MLLT3: variants seen among roughly 807,000 people sequenced by gnomAD.
MLLT3 encodes the protein protein AF-9.
A neutral mutation model predicts 53.2 loss-of-function variants in MLLT3; 4 were observed. That is an observed-to-expected ratio of 0.08 (90% CI 0.04 to 0.17). The LOEUF (loss-of-function observed/expected upper bound fraction) is 0.17. Among genes scored for constraint, MLLT3 ranks in the 10% least tolerant of loss-of-function variants. MLLT3 has a pLI of 1.00. For synonymous variants in MLLT3, 283 were observed against 230.6 expected, an observed-to-expected ratio of 1.23 and a Z score of -2.06; for missense variants, 569 against 684.0, an observed-to-expected ratio of 0.83 and a Z score of 1.87.
At chr9:20,609,686 T>A (rs968290158) in intron 2 of MLLT3, among the ~76,000 whole-genome samples, 4 of 152,118 alleles carry the variant, frequency 2.6e-5, no homozygotes, top group African/African-American at 4.8e-5. Context: ...TAGTTGATGG[T>A]TGAGGTGAAT....
chr9:20,483,948 T>C (rs1236341724), intron 2 of MLLT3, among the ~76,000 whole-genome samples: 2 of 151,584 alleles, frequency 1.3e-5, no homozygotes, highest in Non-Finnish European at 2.9e-5. Flanking sequence ...CCTGACCTCA[T>C]GATCCGCCCG....
At chr9:20,464,689 T>C (rs1256131307) in intron 2 of MLLT3, among the ~76,000 whole-genome samples, 1 of 152,064 alleles carries the variant, frequency 6.6e-6, no homozygotes, top group African/African-American at 2.4e-5. Flanking sequence ...TGTGTTGGCC[T>C]GGCAGGAAAA....
intron 2 of MLLT3, among the ~76,000 whole-genome samples, chr9:20,493,248 AT>A: frequency 6.6e-6 from 1 of 152,070 alleles, no homozygotes; most frequent in Non-Finnish European, 1.5e-5. Context: ...AACAACTCAT[AT>A]TTCTCCAAAA....
chr9:20,620,573 A>G lies in MLLT3; in HGVS notation c.193+81T>C. ...GGCGAGCGCGGCGCGGGGGGCGGGG[A>G]GCGGGACAGCGGGACCGCCCGGGCC... On this transcript the variant is annotated intron_variant, in intron 2 of 10. Coordinates refer to ENST00000380338, the MANE Select transcript of MLLT3 (RefSeq NM_004529.4). This position sits in a 1 kb window ranked among gnomAD's most constrained non-coding sequence, Gnocchi z 6.1. 1 of 1,293,386 alleles carries G rather than the reference A, an allele frequency of 7.7e-7. No homozygotes were observed. The highest frequency in any genetic ancestry group is 1.0e-6 in the Non-Finnish European group (1 of 957,662). 80.1% of individuals were successfully genotyped at this position (1,293,386 alleles called of 1,614,324 possible).
At chr9:20,565,261 G>C (rs1819320276) in intron 2 of MLLT3, among the ~76,000 whole-genome samples, 1 of 151,950 alleles carries the variant, frequency 6.6e-6, no homozygotes, top group Non-Finnish European at 1.5e-5. Context: ...ACTGTACAAT[G>C]CACAAAGCTT....
intron 3 of MLLT3, among the ~76,000 whole-genome samples, chr9:20,450,475 C>G (rs1298674502): frequency 6.6e-6 from 1 of 152,146 alleles, no homozygotes; most frequent in African/African-American, 2.4e-5. Context: ...TCTCTTACTA[C>G]CTTTCCTATA....
At position 20,375,639 on chromosome 9, in the gene MLLT3, G is replaced by C. The variant is rs562927455; in HGVS notation, c.1126-9895C>G. Among the ~76,000 whole-genome samples, 11 of 117,768 alleles carry C rather than the reference G, an allele frequency of 9.3e-5. No individual in the cohort carries two copies. In the South Asian group the frequency reaches 2.1e-3, roughly 22 times the overall value. 77.3% of individuals were successfully genotyped at this position (117,768 alleles called of 152,430 possible). A position where few individuals can be genotyped will look rare whatever the true frequency, so the allele number is the denominator to read the frequency against. ...TTTTTTTTTTTTGAGACAGAGTCTT[G>C]CTCTGTCACCCAGGCTGGAGTGCAG... On this transcript the variant is annotated intron_variant, in intron 5 of 10. Coordinates refer to ENST00000380338, the MANE Select transcript of MLLT3 (RefSeq NM_004529.4).
At chr9:20,359,245 A>C (rs899860137) in intron 8 of MLLT3, among the ~76,000 whole-genome samples, 1 of 151,810 alleles carries the variant, frequency 6.6e-6, no homozygotes, top group African/African-American at 2.4e-5. Flanking sequence ...AAGGATCCCA[A>C]ATTTTCTAGT....
chr9:20,586,868 G>C (rs372852919), intron 2 of MLLT3, among the ~76,000 whole-genome samples: 1 of 152,182 alleles, frequency 6.6e-6, no homozygotes, highest in East Asian at 1.9e-4. Context: ...ACTATTCCTA[G>C]TATAATACCA....
At position 20,393,369 on chromosome 9, in the gene MLLT3, C is replaced by G. The variant is rs972372713; in HGVS notation, c.1125+20352G>C. On this transcript the variant is annotated intron_variant, in intron 5 of 10. Coordinates refer to ENST00000380338, the MANE Select transcript of MLLT3 (RefSeq NM_004529.4). Reference sequence around the variant, plus strand: ...CTTACCAATCGGCAATTTCTGGAATCTGAGGATTTGTCAGGACTACTCATA... The same window carrying G: ...CTTACCAATCGGCAATTTCTGGAATGTGAGGATTTGTCAGGACTACTCATA... 4.6e-5 allele frequency among the ~76,000 whole-genome samples: 7 copies of G among 152,162 alleles called. No individual in the cohort carries two copies. In the East Asian group the frequency reaches 1.3e-3, roughly 29 times the overall value.
In MLLT3 at chr9:20,577,212, G is replaced by A. The variant is rs115735539; in HGVS notation, c.193+43442C>T. ...ATAACTCCAGTTAAAGCAATAGTAGGACAACATTTCAATTTAGTATTGCTT... is the reference window on the plus strand; with the variant it reads ...ATAACTCCAGTTAAAGCAATAGTAGAACAACATTTCAATTTAGTATTGCTT... On this transcript the variant is annotated intron_variant, in intron 2 of 10. Coordinates refer to ENST00000380338, the MANE Select transcript of MLLT3 (RefSeq NM_004529.4). Among the ~76,000 whole-genome samples, 946 of 152,022 alleles carry A rather than the reference G, an allele frequency of 6.2e-3. 16 individuals carry two copies. Among genetic ancestry groups the A allele is most frequent in the African/African-American group, 0.022 (918 of 41,484 alleles).
intron 2 of MLLT3, among the ~76,000 whole-genome samples, chr9:20,585,963 C>T (rs1819948047): frequency 6.6e-6 from 1 of 152,152 alleles, no homozygotes; most frequent in Non-Finnish European, 1.5e-5. Flanking sequence ...TGGTTAGAGA[C>T]CTGCAACCAT....
intron 2 of MLLT3, among the ~76,000 whole-genome samples, chr9:20,596,907 C>A (rs1267503255): frequency 6.6e-6 from 1 of 152,110 alleles, no homozygotes; most frequent in African/African-American, 2.4e-5. Context: ...AATATTAAGT[C>A]TCCCAATCCA....
At chr9:20,598,828 C>A (rs1820341257) in intron 2 of MLLT3, among the ~76,000 whole-genome samples, 1 of 152,194 alleles carries the variant, frequency 6.6e-6, no homozygotes, top group Non-Finnish European at 1.5e-5. Context: ...TTAAGCAAAT[C>A]ACAACATAAG....
chr9:20,497,539 T>G (rs1331598919), intron 2 of MLLT3, among the ~76,000 whole-genome samples: 1 of 152,230 alleles, frequency 6.6e-6, no homozygotes, highest in Non-Finnish European at 1.5e-5. Flanking sequence ...CATGGAATCA[T>G]ACAATGTGTA....
chr9:20,601,757 CA>C (rs1339995463), intron 2 of MLLT3, among the ~76,000 whole-genome samples: 1 of 152,140 alleles, frequency 6.6e-6, no homozygotes, highest in Non-Finnish European at 1.5e-5. Flanking sequence ...TTTGCATTTA[CA>C]GCTTAGTTCC....
chr9:20,605,049 T>C (rs2131201895), intron 2 of MLLT3, among the ~76,000 whole-genome samples: 1 of 152,186 alleles, frequency 6.6e-6, no homozygotes, highest in Admixed American at 6.6e-5. Context: ...AGCTAAAAAA[T>C]AAAAGGCAAA....
intron 2 of MLLT3, among the ~76,000 whole-genome samples, chr9:20,481,701 T>C (rs1417973899): frequency 1.3e-5 from 2 of 152,274 alleles, no homozygotes; most frequent in East Asian, 1.9e-4. Context: ...ATCAATGACA[T>C]ATCACCAGTT....
At chr9:20,522,738 G>C (rs1818095541) in intron 2 of MLLT3, among the ~76,000 whole-genome samples, 1 of 152,010 alleles carries the variant, frequency 6.6e-6, no homozygotes, top group Non-Finnish European at 1.5e-5. Context: ...CCACAGACTA[G>C]AAGGAAATAA....
Sources: gnomAD v4.1 joint callset for allele counts (sites outside exome capture counted in the v4.1 genomes callset) on GRCh38, gnomAD v4.1.1 for gene constraint, Gnocchi (gnomAD v3.1) non-coding constraint, MANE v1.5 for transcripts, NCBI Gene and HGNC (gene_info 2026-07-23, HGNC 2026-07-21) for gene names.